The following FAM110B variants were observed in gnomAD, a reference collection of about 807,000 sequenced individuals.
The protein encoded by FAM110B is family with sequence similarity 110 member B, also known as protein FAM110B.
A neutral mutation model predicts 20.4 loss-of-function variants in FAM110B; 6 were observed. The observed-to-expected ratio is 0.29, with a 90% CI of 0.16 to 0.58. The LOEUF (loss-of-function observed/expected upper bound fraction) is 0.58, where lower values mean the gene tolerates loss of function less well. Ranked by LOEUF, FAM110B falls within the 20% of genes least tolerant of loss-of-function variation. FAM110B has a pLI of 0.90. For synonymous variants in FAM110B, 226 were observed against 214.1 expected (o/e 1.06, Z -0.49); for missense variants, 434 against 498.2 (o/e 0.87, Z 1.23).
chr8:57,999,641 C>T (rs536637235), intron 1 of FAM110B, among the ~76,000 whole-genome samples: 167 of 152,106 alleles, frequency 1.1e-3, no homozygotes, highest in Non-Finnish European at 1.9e-3. Context: ...TGATAGAGGA[C>T]GTATTGTGTG....
chr8:58,113,355 CT>C, intron 3 of FAM110B: 4 of 219,552 alleles, frequency 1.8e-5, no homozygotes, highest in South Asian at 8.1e-5. Context: ...TGCCATTAGC[CT>C]TTTCCCACTG....
chr8:58,042,801 G>A (rs915413705), intron 2 of FAM110B, among the ~76,000 whole-genome samples: 10 of 152,178 alleles, frequency 6.6e-5, no homozygotes, highest in Non-Finnish European at 1.2e-4. Flanking sequence ...GGATGCTTGC[G>A]TAAGAATTGA....
intron 1 of FAM110B, among the ~76,000 whole-genome samples, chr8:58,007,924 T>C (rs960574065): frequency 6.6e-6 from 1 of 152,206 alleles, no homozygotes; most frequent in African/African-American, 2.4e-5. Flanking sequence ...GTTATTTTCT[T>C]CTTTACATAT....
At chr8:58,068,657 G>C (rs1170240340) in intron 2 of FAM110B, among the ~76,000 whole-genome samples, 1 of 151,632 alleles carries the variant, frequency 6.6e-6, no homozygotes, top group African/African-American at 2.4e-5. Flanking sequence ...TCTTTGGAAT[G>C]GAATTTGACT....
At chr8:58,131,151 A>G (rs1803453480) in intron 3 of FAM110B, among the ~76,000 whole-genome samples, 1 of 152,146 alleles carries the variant, frequency 6.6e-6, no homozygotes, top group African/African-American at 2.4e-5. Context: ...GACACCTATA[A>G]GTCATTATTC....
chr8:58,122,169 G>GGAAGC (rs1807378733), intron 3 of FAM110B, among the ~76,000 whole-genome samples: 1 of 152,028 alleles, frequency 6.6e-6, no homozygotes, highest in South Asian at 2.1e-4. Context: ...CAATTTTGAA[G>GGAAGC]ACATTAAATG....
intron 3 of FAM110B, among the ~76,000 whole-genome samples, chr8:58,116,731 A>G (rs1353979721): frequency 6.6e-6 from 1 of 152,240 alleles, no homozygotes; most frequent in Non-Finnish European, 1.5e-5. Context: ...GTGTCATGAT[A>G]GTAAACCAAG....
intron 1 of FAM110B, among the ~76,000 whole-genome samples, chr8:57,997,690 G>C (rs1227654721): frequency 6.6e-6 from 1 of 152,200 alleles, no homozygotes; most frequent in Non-Finnish European, 1.5e-5. Context: ...GTGTTGCAAA[G>C]TCATGACTCA....
intron 2 of FAM110B, among the ~76,000 whole-genome samples, chr8:58,068,422 A>G (rs77615657): frequency 0.017 from 2,545 of 152,278 alleles, 63 homozygotes; most frequent in African/African-American, 0.056. Context: ...TTTATGGTCC[A>G]TGTCATTCCT....
At chr8:58,093,670 G>A (rs1489778634) in intron 3 of FAM110B, among the ~76,000 whole-genome samples, 1 of 152,148 alleles carries the variant, frequency 6.6e-6, no homozygotes, top group Non-Finnish European at 1.5e-5. Context: ...ATAGTTTGAA[G>A]TCAGCTAGCA....
At chr8:58,036,907 G>A (rs1442092582) in intron 2 of FAM110B, among the ~76,000 whole-genome samples, 1 of 152,166 alleles carries the variant, frequency 6.6e-6, no homozygotes, top group Non-Finnish European at 1.5e-5. Flanking sequence ...CCAAGTACAA[G>A]AGTATACTGG....
intron 3 of FAM110B, among the ~76,000 whole-genome samples, chr8:58,082,849 T>TG (rs1563363381): frequency 7.7e-5 from 10 of 129,320 alleles, no homozygotes; most frequent in African/African-American, 3.3e-4. Context: ...TTTTTTTTGT[T>TG]TTTTTTTTTT....
At chr8:58,139,891 C>G (rs1803701752) in intron 3 of FAM110B, among the ~76,000 whole-genome samples, 1 of 152,146 alleles carries the variant, frequency 6.6e-6, no homozygotes, top group African/African-American at 2.4e-5. Context: ...GATTGTGCCA[C>G]TGCACTCCAG....
At chr8:58,140,497 G>A (rs1803716254) in intron 3 of FAM110B, among the ~76,000 whole-genome samples, 4 of 152,160 alleles carry the variant, frequency 2.6e-5, no homozygotes, top group South Asian at 2.1e-4. Flanking sequence ...CATATTGGGC[G>A]GTGCTCAGAG....
At chr8:58,143,401 G>A (rs1033615372) in intron 3 of FAM110B, among the ~76,000 whole-genome samples, 9 of 152,168 alleles carry the variant, frequency 5.9e-5, no homozygotes, top group African/African-American at 2.2e-4. Context: ...AAAATTATTA[G>A]GGAAATTGGG....
chr8:58,014,875 T>A (rs1359456938), intron 1 of FAM110B, among the ~76,000 whole-genome samples: 1 of 152,202 alleles, frequency 6.6e-6, no homozygotes, highest in Non-Finnish European at 1.5e-5. Context: ...AATAAAATAT[T>A]TATAAGTGTA....
chr8:58,033,265 T>C (rs1310702017), intron 2 of FAM110B, among the ~76,000 whole-genome samples: 1 of 152,214 alleles, frequency 6.6e-6, no homozygotes, highest in African/African-American at 2.4e-5. Context: ...TATTCCATGG[T>C]GTGTATGTAC....
intron 3 of FAM110B, among the ~76,000 whole-genome samples, chr8:58,079,808 A>G (rs1806144551): frequency 2.0e-5 from 3 of 152,164 alleles, no homozygotes; most frequent in Non-Finnish European, 4.4e-5. Flanking sequence ...AATTTGACAT[A>G]TTAAAATTTT....
chr8:58,045,609 A>G (rs1437348311), intron 2 of FAM110B, among the ~76,000 whole-genome samples: 1 of 152,146 alleles, frequency 6.6e-6, no homozygotes, highest in Non-Finnish European at 1.5e-5. Context: ...CATCTGACAG[A>G]CATGTTTCAT....
Sources: gnomAD v4.1 joint callset for allele counts (sites outside exome capture counted in the v4.1 genomes callset) on GRCh38, gnomAD v4.1.1 for gene constraint, MANE v1.5 for transcripts, NCBI Gene and HGNC (gene_info 2026-07-23, HGNC 2026-07-21) for gene names.